The following GPC5 variants were observed in gnomAD, a reference collection of about 807,000 sequenced individuals.
GPC5 encodes the protein glypican-5.
GPC5 carries 47 observed loss-of-function variants against 53.9 expected under a neutral mutation model. The ratio of observed to expected loss-of-function variants is 0.87; its 90% CI spans 0.69 to 1.11. The LOEUF is 1.11. Among genes scored for constraint, GPC5 ranks in the 50% most tolerant of loss-of-function variants. GPC5 has a pLI of 0.00. For synonymous variants in GPC5, 286 were observed against 263.3 expected (o/e 1.09, Z -0.84); for missense variants, 748 against 713.1 (o/e 1.05, Z -0.56).
At chr13:92,866,256 C>T (rs1345973179) in intron 7 of GPC5, 26 bp from the exon 8 acceptor site, 2 of 1,594,344 alleles carry the variant, frequency 1.3e-6, no homozygotes, top group African/African-American at 2.7e-5. Flanking sequence ...CATGCATCAC[C>T]TGTGCTTTCT....
At chr13:92,417,969 A>T (rs1876387931) in intron 7 of GPC5, among the ~76,000 whole-genome samples, 2 of 152,236 alleles carry the variant, frequency 1.3e-5, no homozygotes, top group Non-Finnish European at 2.9e-5. Context: ...ATAGAATCTT[A>T]TTCTACTATA....
At chr13:91,586,669 C>A (rs943705157) in intron 2 of GPC5, among the ~76,000 whole-genome samples, 4 of 143,186 alleles carry the variant, frequency 2.8e-5, no homozygotes, top group African/African-American at 1.0e-4. Context: ...GGGGGACTGC[C>A]CCCATGATCC....
intron 3 of GPC5, among the ~76,000 whole-genome samples, chr13:91,725,948 T>A (rs1157552595): frequency 6.6e-6 from 1 of 152,204 alleles, no homozygotes. Flanking sequence ...TCTTTGCTTC[T>A]TTATTTCAAA....
chr13:92,385,411 CAT>C (rs1279962284), intron 7 of GPC5, among the ~76,000 whole-genome samples: 577 of 35,468 alleles, frequency 0.016, 31 homozygotes, highest in African/African-American at 0.036. Flanking sequence ...CATATATACA[CAT>C]ATATATACAT....
intron 2 of GPC5, among the ~76,000 whole-genome samples, chr13:91,539,199 CT>C (rs1000503972): frequency 1.3e-5 from 2 of 151,936 alleles, no homozygotes; most frequent in East Asian, 3.9e-4. Flanking sequence ...TGTTGAAAAG[CT>C]TTTTTTTAAA....
intron 7 of GPC5, among the ~76,000 whole-genome samples, chr13:92,522,323 G>A (rs551175118): frequency 3.3e-5 from 5 of 152,234 alleles, no homozygotes; most frequent in East Asian, 1.9e-4. Context: ...GCACACGTAT[G>A]TTTATTGTGG....
intron 7 of GPC5, among the ~76,000 whole-genome samples, chr13:92,217,831 T>C (rs1344747880): frequency 6.6e-6 from 1 of 151,390 alleles, no homozygotes; most frequent in Non-Finnish European, 1.5e-5. Flanking sequence ...GTTACCCTAA[T>C]ATGCCATAAT....
chr13:92,661,093 A>G (rs1239361426), intron 7 of GPC5, among the ~76,000 whole-genome samples: 1 of 152,036 alleles, frequency 6.6e-6, no homozygotes, highest in Non-Finnish European at 1.5e-5. Flanking sequence ...TTGACTCAGG[A>G]GTTTGAGACC....
chr13:92,093,620 A>G (rs2041398451), intron 6 of GPC5, among the ~76,000 whole-genome samples: 1 of 152,220 alleles, frequency 6.6e-6, no homozygotes, highest in Admixed American at 6.5e-5. Flanking sequence ...TCTTTTTAAT[A>G]CTTCTAATGT....
chr13:92,697,999 G>A (rs368245126), intron 7 of GPC5, among the ~76,000 whole-genome samples: 247 of 151,982 alleles, frequency 1.6e-3, no homozygotes, highest in Non-Finnish European at 2.9e-3. Flanking sequence ...GATGGATTAC[G>A]TTTATTGATT....
At chr13:91,906,991 TTATA>T (rs1049179013) in intron 5 of GPC5, among the ~76,000 whole-genome samples, 1 of 148,278 alleles carries the variant, frequency 6.7e-6, no homozygotes, top group African/African-American at 2.5e-5. Flanking sequence ...TTTATATATT[TTATA>T]TATATATATA....
chr13:92,001,137 A>G (rs565549738), intron 6 of GPC5, among the ~76,000 whole-genome samples: 3 of 152,324 alleles, frequency 2.0e-5, no homozygotes, highest in African/African-American at 7.2e-5. Flanking sequence ...TAGTTTGTTT[A>G]AGCAAAGCAA....
chr13:92,595,875 G>A (rs935451169), intron 7 of GPC5, among the ~76,000 whole-genome samples: 1 of 151,516 alleles, frequency 6.6e-6, no homozygotes, highest in South Asian at 2.1e-4. Flanking sequence ...CTTGCTTACT[G>A]TAAAATAGAA....
chr13:91,544,492 G>A (rs1214237130), intron 2 of GPC5, among the ~76,000 whole-genome samples: 1 of 152,002 alleles, frequency 6.6e-6, no homozygotes, highest in Admixed American at 6.6e-5. Flanking sequence ...AATGTTTCAT[G>A]GACATTAATA....
intron 1 of GPC5, among the ~76,000 whole-genome samples, chr13:91,431,018 G>T (rs1386601447): frequency 6.6e-6 from 1 of 152,082 alleles, no homozygotes; most frequent in East Asian, 1.9e-4. Flanking sequence ...GGGACCACAG[G>T]TGCATGCTAC....
At chr13:91,604,594 C>T (rs942219995) in intron 2 of GPC5, among the ~76,000 whole-genome samples, 4 of 141,578 alleles carry the variant, frequency 2.8e-5, no homozygotes, top group East Asian at 2.1e-4. Flanking sequence ...TCCTATTTCT[C>T]CACATCCTCT....
intron 6 of GPC5, among the ~76,000 whole-genome samples, chr13:91,922,152 G>A (rs1209262348): frequency 2.6e-5 from 4 of 152,060 alleles, no homozygotes; most frequent in Non-Finnish European, 5.9e-5. Flanking sequence ...TAATTCCAGA[G>A]CAATTAATCA....
intron 7 of GPC5, among the ~76,000 whole-genome samples, chr13:92,286,211 G>A (rs2042953351): frequency 6.6e-6 from 1 of 152,142 alleles, no homozygotes; most frequent in African/African-American, 2.4e-5. Context: ...AGTTAGAATG[G>A]TGATCATTAA....
chr13:91,883,572 G>A (rs1026346499), intron 5 of GPC5, among the ~76,000 whole-genome samples: 3 of 152,182 alleles, frequency 2.0e-5, no homozygotes, highest in Non-Finnish European at 4.4e-5. Flanking sequence ...CAAAAGCCCT[G>A]AGTCAGAAAC....
Sources: gnomAD v4.1 joint callset for allele counts (sites outside exome capture counted in the v4.1 genomes callset) on GRCh38, gnomAD v4.1.1 for gene constraint, MANE v1.5 for transcripts, NCBI Gene and HGNC (gene_info 2026-07-23, HGNC 2026-07-21) for gene names.